The following CFDP1 variants were observed in gnomAD, a reference collection of about 807,000 sequenced individuals.
The protein encoded by CFDP1 is chromatin remodeling protein CFDP1.
CFDP1 carries 31 observed loss-of-function variants against 40.1 expected under a neutral mutation model. The ratio of observed to expected loss-of-function variants is 0.77; its 90% CI spans 0.58 to 1.04. The LOEUF (loss-of-function observed/expected upper bound fraction) is 1.04, where lower values mean the gene tolerates loss of function less well. CFDP1 is among the 50% of genes least tolerant of loss of function. The pLI, the probability that CFDP1 is intolerant of heterozygous loss-of-function variation, is 0.00. For synonymous variants in CFDP1, 167 were observed against 120.0 expected (o/e 1.39, Z -2.56); for missense variants, 423 against 343.4 (o/e 1.23, Z -1.83).
chr16:75,318,674 G>C (rs1196851211), intron 5 of CFDP1, among the ~76,000 whole-genome samples: 1 of 152,142 alleles, frequency 6.6e-6, no homozygotes, highest in Non-Finnish European at 1.5e-5. Flanking sequence ...AAAGTGCTGG[G>C]ATTACAGGCG....
chr16:75,325,791 T>C (rs1262524348), intron 5 of CFDP1, among the ~76,000 whole-genome samples: 4 of 152,238 alleles, frequency 2.6e-5, no homozygotes, highest in Admixed American at 2.6e-4. Context: ...CAACTCTGCA[T>C]TGGCTAACCT....
Position 75,425,208 on chromosome 16 carries a change from G to C in CFDP1, c.64+8081C>G, listed in dbSNP as rs552849370. On this transcript the variant is annotated intron_variant, in intron 1 of 6. Coordinates refer to ENST00000283882, the MANE Select transcript of CFDP1 (RefSeq NM_006324.3). ...ATCAAAGTAGGATACTTTTTCGAGA[G>C]ATGAACAAAGTGATTTTACAATGCA... Among the ~76,000 whole-genome samples the C allele has an allele frequency of 2.6e-5, 4 of 151,954 alleles. No homozygotes were observed. In the East Asian group the frequency reaches 7.7e-4, roughly 29 times the overall value.
intron 5 of CFDP1, among the ~76,000 whole-genome samples, chr16:75,363,626 C>T (rs1221891770): frequency 1.3e-5 from 2 of 151,992 alleles, no homozygotes; most frequent in Non-Finnish European, 2.9e-5. Flanking sequence ...AAACACCTGA[C>T]CTCAAATGAG....
At chr16:75,409,475 T>A (rs1192491788) in intron 4 of CFDP1, 1 of 152,292 alleles carries the variant, frequency 6.6e-6, no homozygotes, top group African/African-American at 2.4e-5. Flanking sequence ...TTAGTAAAAA[T>A]TTAGTTATCT....
chr16:75,363,648 G>T (rs868480967), intron 5 of CFDP1, among the ~76,000 whole-genome samples: 1 of 152,018 alleles, frequency 6.6e-6, no homozygotes, highest in Non-Finnish European at 1.5e-5. Flanking sequence ...CACCCACCTT[G>T]GCTTCCCAAA....
At chr16:75,330,778 G>A (rs2078440159) in intron 5 of CFDP1, among the ~76,000 whole-genome samples, 1 of 152,068 alleles carries the variant, frequency 6.6e-6, no homozygotes, top group Non-Finnish European at 1.5e-5. Context: ...TGTATGCTAA[G>A]TAGACTATAA....
intron 1 of CFDP1, chr16:75,419,103 C>T (rs1223007052): frequency 2.6e-6 from 1 of 378,200 alleles, no homozygotes; most frequent in Non-Finnish European, 5.4e-6. Context: ...GACGCCGACT[C>T]ATAAAAAATA....
intron 4 of CFDP1, among the ~76,000 whole-genome samples, chr16:75,408,843 G>A (rs1171632453): frequency 6.6e-6 from 1 of 151,770 alleles, no homozygotes; most frequent in Non-Finnish European, 1.5e-5. Flanking sequence ...ACTGAGAATT[G>A]ATATTTTACT....
At chr16:75,303,073 G>A (rs985839201) in intron 6 of CFDP1, among the ~76,000 whole-genome samples, 10 of 151,488 alleles carry the variant, frequency 6.6e-5, no homozygotes, top group Non-Finnish European at 1.0e-4. Flanking sequence ...GTAGGCGCGC[G>A]CCTGTAATCC....
chr16:75,303,654 C>G (rs2078238769), intron 6 of CFDP1, among the ~76,000 whole-genome samples: 1 of 151,992 alleles, frequency 6.6e-6, no homozygotes, highest in Admixed American at 6.6e-5. Context: ...CATAGTGAGA[C>G]CCTGTCTCTT....
chr16:75,318,325 G>T (rs182292691), intron 5 of CFDP1, among the ~76,000 whole-genome samples: 6 of 152,132 alleles, frequency 3.9e-5, no homozygotes, highest in African/African-American at 1.4e-4. Context: ...ACAGGACAAA[G>T]CACTGGGCAG....
At chr16:75,315,209 T>C (rs1446113979) in intron 5 of CFDP1, among the ~76,000 whole-genome samples, 1 of 151,802 alleles carries the variant, frequency 6.6e-6, no homozygotes, top group Non-Finnish European at 1.5e-5. Flanking sequence ...GGTGTGTGCC[T>C]GTAGTCCCAG....
At chr16:75,432,002 C>G (rs1359107568) in intron 1 of CFDP1, among the ~76,000 whole-genome samples, 1 of 149,386 alleles carries the variant, frequency 6.7e-6, no homozygotes, top group Non-Finnish European at 1.5e-5. Flanking sequence ...ACCTCCACCT[C>G]CCGAGTTCAA....
intron 5 of CFDP1, among the ~76,000 whole-genome samples, chr16:75,306,125 C>G (rs1003578133): frequency 3.3e-5 from 5 of 152,200 alleles, no homozygotes; most frequent in African/African-American, 1.2e-4. Context: ...TTCCGCCTCA[C>G]GGGGATATGC....
intron 5 of CFDP1, among the ~76,000 whole-genome samples, chr16:75,347,343 CAAAAAA>C (rs762900031): frequency 4.4e-5 from 4 of 91,624 alleles, no homozygotes; most frequent in Non-Finnish European, 6.2e-5. Flanking sequence ...GACTCCATCT[CAAAAAA>C]AAAAAAAAAA....
chr16:75,353,193 CCAAA>C (rs2078624402), intron 5 of CFDP1, among the ~76,000 whole-genome samples: 1 of 152,114 alleles, frequency 6.6e-6, no homozygotes, highest in African/African-American at 2.4e-5. Context: ...CTTACTGGAT[CCAAA>C]CAAACTGTAA....
chr16:75,305,333 G>A (rs111524754), intron 5 of CFDP1, 151 bp from the exon 6 acceptor site: 3 of 706,030 alleles, frequency 4.2e-6, no homozygotes, highest in African/African-American at 3.6e-5. Context: ...TCCTGGTGTG[G>A]AGAGCACTGT....
intron 1 of CFDP1, among the ~76,000 whole-genome samples, chr16:75,421,544 T>G (rs2079280614): frequency 1.3e-5 from 2 of 152,142 alleles, no homozygotes; most frequent in African/African-American, 2.4e-5. Context: ...ACTCAGAGCT[T>G]CCAATAACCT....
At chr16:75,297,146 T>TGGGTGTGTGTGTGTGTG (rs1491503380) in intron 6 of CFDP1, among the ~76,000 whole-genome samples, 1 of 132,988 alleles carries the variant, frequency 7.5e-6, no homozygotes, top group African/African-American at 2.7e-5. Context: ...TTCCCATTTC[T>TGGGTGTGTGTGTGTGTG]TGTGTGTGTG....
Sources: allele counts gnomAD v4.1 joint callset (sites outside exome capture counted in the v4.1 genomes callset), GRCh38; gene constraint gnomAD v4.1.1; transcripts MANE v1.5; gene names NCBI Gene and HGNC (gene_info 2026-07-23, HGNC 2026-07-21).